The following PTPN13 variants were observed in gnomAD, a reference collection of about 807,000 sequenced individuals.
PTPN13 encodes the protein tyrosine-protein phosphatase non-receptor type 13.
PTPN13 carries 191 observed loss-of-function variants against 284.0 expected under a neutral mutation model. The observed-to-expected ratio is 0.67, with a 90% CI of 0.60 to 0.76. The LOEUF (loss-of-function observed/expected upper bound fraction) is 0.76, where lower values mean the gene tolerates loss of function less well. Ranked by LOEUF, PTPN13 falls within the 30% of genes least tolerant of loss-of-function variation. PTPN13 has a pLI of 0.00. For missense variants in PTPN13, 2,797 were observed against 2,939.9 expected (o/e 0.95, Z 1.12); for synonymous variants, 986 against 1,022.3 (o/e 0.96, Z 0.68).
At chr4:86,617,239 A>G (rs1266789911) in intron 1 of PTPN13, among the ~76,000 whole-genome samples, 1 of 152,166 alleles carries the variant, frequency 6.6e-6, no homozygotes, top group African/African-American at 2.4e-5. Context: ...CATTAATTAA[A>G]ATTAAATAAA....
chr4:86,795,965 CCAA>C (rs1042142206), intron 40 of PTPN13, among the ~76,000 whole-genome samples: 4 of 151,156 alleles, frequency 2.6e-5, no homozygotes, highest in Admixed American at 2.6e-4. Flanking sequence ...GTACAGCAAA[CCAA>C]CAAGGCACAT....
chr4:86,636,472 T>G (rs902871602), intron 2 of PTPN13, among the ~76,000 whole-genome samples: 1 of 152,154 alleles, frequency 6.6e-6, no homozygotes, highest in East Asian at 1.9e-4. Context: ...GTCTCTAAAA[T>G]TGATTTGAAT....
intron 20 of PTPN13, among the ~76,000 whole-genome samples, chr4:86,756,432 A>G (rs961511749): frequency 1.8e-4 from 27 of 152,212 alleles, no homozygotes; most frequent in Middle Eastern, 3.4e-3. Flanking sequence ...GGATCACCTA[A>G]TATGTAAAGT....
At chr4:86,795,404 G>T in intron 40 of PTPN13, among the ~76,000 whole-genome samples, 1 of 152,182 alleles carries the variant, frequency 6.6e-6, no homozygotes, top group Non-Finnish European at 1.5e-5. Context: ...TGCTGGAGAG[G>T]ATGTGGAGAA....
At chr4:86,598,270 A>G (rs1763999074) in intron 1 of PTPN13, among the ~76,000 whole-genome samples, 1 of 151,560 alleles carries the variant, frequency 6.6e-6, no homozygotes, top group Non-Finnish European at 1.5e-5. Flanking sequence ...CAGCCTCCTT[A>G]GTAAGCTGGG....
intron 41 of PTPN13, 113 bp downstream of exon 41, chr4:86,797,042 CTA>C: frequency 1.3e-6 from 1 of 762,530 alleles, no homozygotes; most frequent in Non-Finnish European, 2.0e-6. Context: ...GATTATAAAA[CTA>C]TGGTTGAATA....
chr4:86,812,827 G>A (rs1183930793), intron 47 of PTPN13, among the ~76,000 whole-genome samples: 2 of 152,072 alleles, frequency 1.3e-5, no homozygotes, highest in East Asian at 3.9e-4. Flanking sequence ...GAGTGGCAGT[G>A]ATCTGACTCA....
At chr4:86,782,129 C>A in intron 36 of PTPN13, 72 bp from the exon 37 acceptor site, 1 of 1,048,726 alleles carries the variant, frequency 9.5e-7, no homozygotes, top group Non-Finnish European at 1.4e-6. Flanking sequence ...TGTGAGTTTT[C>A]TTTAATTATT....
intron 17 of PTPN13, among the ~76,000 whole-genome samples, chr4:86,747,160 A>C (rs1378044619): frequency 4.6e-5 from 7 of 152,226 alleles, no homozygotes; most frequent in Non-Finnish European, 8.8e-5. Flanking sequence ...TGTCATCCTC[A>C]ACATTTCTTA....
At chr4:86,702,286 G>A (rs1731252775) in intron 7 of PTPN13, among the ~76,000 whole-genome samples, 2 of 152,130 alleles carry the variant, frequency 1.3e-5, no homozygotes, top group African/African-American at 4.8e-5. Flanking sequence ...ACAAATTTTG[G>A]GGGCACAACT....
intron 41 of PTPN13, among the ~76,000 whole-genome samples, chr4:86,798,543 C>A (rs17012080): frequency 0.033 from 5,074 of 152,098 alleles, 270 homozygotes; most frequent in African/African-American, 0.12. Flanking sequence ...GTTCTCCTAC[C>A]TAGTTTCTCT....
At chr4:86,721,732 C>T (rs918954093) in intron 9 of PTPN13, among the ~76,000 whole-genome samples, 15 of 118,574 alleles carry the variant, frequency 1.3e-4, no homozygotes, top group Non-Finnish European at 1.9e-4. Context: ...TCCCCTTCCC[C>T]CTTCCCCCTT....
At chr4:86,652,536 CT>C (rs1208289662) in intron 2 of PTPN13, among the ~76,000 whole-genome samples, 1 of 152,094 alleles carries the variant, frequency 6.6e-6, no homozygotes, top group Non-Finnish European at 1.5e-5. Context: ...ATATAATATT[CT>C]AGGTTGGAAC....
chr4:86,691,066 A>C (rs1051286512), intron 5 of PTPN13, among the ~76,000 whole-genome samples: 1 of 152,092 alleles, frequency 6.6e-6, no homozygotes, highest in Non-Finnish European at 1.5e-5. Flanking sequence ...CTGCATTGAA[A>C]AATAGCACTT....
chr4:86,781,465 G>C (rs188400253), intron 36 of PTPN13, among the ~76,000 whole-genome samples: 3 of 152,080 alleles, frequency 2.0e-5, no homozygotes, highest in African/African-American at 7.2e-5. Flanking sequence ...TACATTAAAA[G>C]TTCTTTTCTG....
chr4:86,756,105 A>G lies in PTPN13; in HGVS notation c.3224-2155A>G, dbSNP rs371957133. On this transcript the variant is annotated intron_variant, in intron 20 of 47. Transcript: ENST00000411767. The stretch of plus-strand genomic sequence containing the variant: ...TATCCCAATTCCTGAACGGTGGGTT[A>G]TTAAATCTGAAACTTGAAGGAGGAA... Among the ~76,000 whole-genome samples, 15 of 151,946 alleles carry G rather than the reference A, an allele frequency of 9.9e-5. No homozygotes were observed. In the South Asian group the frequency reaches 1.7e-3, roughly 17 times the overall value.
At chr4:86,665,919 G>T (rs187428402) in intron 2 of PTPN13, among the ~76,000 whole-genome samples, 1 of 152,146 alleles carries the variant, frequency 6.6e-6, no homozygotes, top group Non-Finnish European at 1.5e-5. Context: ...CTGAGAAAAG[G>T]TTTATTAGAT....
At chr4:86,798,816 T>C (rs1013523879) in intron 41 of PTPN13, among the ~76,000 whole-genome samples, 1 of 152,216 alleles carries the variant, frequency 6.6e-6, no homozygotes, top group Non-Finnish European at 1.5e-5. Context: ...CTCATCCATG[T>C]TGAAGGATAG....
chr4:86,768,709 CTTT>C (rs774501203), intron 28 of PTPN13, among the ~76,000 whole-genome samples: 3 of 130,424 alleles, frequency 2.3e-5, no homozygotes, highest in African/African-American at 3.0e-5. Context: ...TTTCTTCCAT[CTTT>C]TTTTTTTTTT....
Sources: allele counts gnomAD v4.1 joint callset (sites outside exome capture counted in the v4.1 genomes callset), GRCh38; gene constraint gnomAD v4.1.1; transcripts MANE v1.5; gene names NCBI Gene and HGNC (gene_info 2026-07-23, HGNC 2026-07-21).